PTPRN2: variants seen among roughly 807,000 people sequenced by gnomAD.
PTPRN2 encodes the protein receptor-type tyrosine-protein phosphatase N2.
A neutral mutation model predicts 118.8 loss-of-function variants in PTPRN2; 74 were observed. The observed-to-expected ratio is 0.62, with a 90% CI of 0.52 to 0.76. The LOEUF is 0.76. Ranked by LOEUF, PTPRN2 falls within the 30% of genes least tolerant of loss-of-function variation. The pLI, the probability that PTPRN2 is intolerant of heterozygous loss-of-function variation, is 0.00. For synonymous variants in PTPRN2, 641 were observed against 608.0 expected (o/e 1.05, Z -0.80); for missense variants, 1,481 against 1,394.4 (o/e 1.06, Z -0.99).
chr7:158,259,214 G>A (rs1252543603), intron 3 of PTPRN2, among the ~76,000 whole-genome samples: 1 of 152,180 alleles, frequency 6.6e-6, no homozygotes, highest in Non-Finnish European at 1.5e-5. Context: ...ACAAATAAAT[G>A]ACAAATGGCA....
intron 21 of PTPRN2, among the ~76,000 whole-genome samples, chr7:157,552,492 G>A (rs1234414078): frequency 6.6e-6 from 1 of 152,118 alleles, no homozygotes; most frequent in Non-Finnish European, 1.5e-5. Flanking sequence ...GACCACGTGG[G>A]GAGGGGATGG....
At chr7:158,308,100 T>A (rs114442992) in intron 3 of PTPRN2, among the ~76,000 whole-genome samples, 2,979 of 152,326 alleles carry the variant, frequency 0.02, 101 homozygotes, top group African/African-American at 0.067. Context: ...GTTTCAGATA[T>A]TCTGTGATAA....
At chr7:158,522,282 A>G (rs112662381) in intron 1 of PTPRN2, among the ~76,000 whole-genome samples, 28 of 53,336 alleles carry the variant, frequency 5.2e-4, no homozygotes, top group South Asian at 7.9e-4. Flanking sequence ...CTGGCTCGGG[A>G]GGGAGGTCCA....
At chr7:158,146,580 G>T (rs932796913) in intron 6 of PTPRN2, among the ~76,000 whole-genome samples, 10 of 151,384 alleles carry the variant, frequency 6.6e-5, no homozygotes, top group Non-Finnish European at 1.5e-5. Context: ...AATTAGCCAG[G>T]CGTGGTGGCG....
Position 157,598,103 on chromosome 7 carries a change from T to C in PTPRN2, c.2419-2788A>G, listed in dbSNP as rs201556764. On this transcript the variant is annotated intron_variant, in intron 16 of 22. Transcript: ENST00000389418. The surrounding 1 kb of genome is among the most constrained non-coding windows in gnomAD (Gnocchi z 5.2). ...GGTTTTCGGGCAGGATAAGTGGCTG[T>C]GGAGGAAATCAAGTGAGTTTCTACT... is the stretch of plus-strand genomic sequence containing the variant. Among the ~76,000 whole-genome samples, 1 of 152,212 alleles carries C rather than the reference T, an allele frequency of 6.6e-6. No homozygotes were observed. The highest frequency in any genetic ancestry group is 2.1e-4 in the South Asian group (1 of 4,828).
Position 157,987,196 on chromosome 7 carries a change from G to T in PTPRN2, c.1724-88459C>A, listed in dbSNP as rs1803868678. ...AGATTCCATTTCTTCCTGGGATTAG[G>T]AAGCACGAAGTGTCCAGATCTGCTT... On this transcript the variant is annotated intron_variant, in intron 11 of 22. Transcript: ENST00000389418. This position sits in a 1 kb window ranked among gnomAD's most constrained non-coding sequence, Gnocchi z 4.3. 6.6e-6 allele frequency among the ~76,000 whole-genome samples: 1 copy of T among 152,176 alleles called. No homozygotes were observed. Among genetic ancestry groups the T allele is most frequent in the Admixed American group, 6.5e-5 (1 of 15,280 alleles).
intron 9 of PTPRN2, among the ~76,000 whole-genome samples, chr7:158,119,138 A>G (rs535761528): frequency 6.6e-6 from 1 of 152,334 alleles, no homozygotes; most frequent in Admixed American, 6.5e-5. Flanking sequence ...CTCATAATGT[A>G]CCTAGCGTGT....
intron 13 of PTPRN2, among the ~76,000 whole-genome samples, chr7:157,672,165 C>A (rs12698098): frequency 0.2 from 30,915 of 151,836 alleles, 3,598 homozygotes; most frequent in Non-Finnish European, 0.25. Flanking sequence ...GTCTGAAAAC[C>A]CCCCCTGGAG....
At chr7:157,662,574 G>T (rs1795944561) in intron 13 of PTPRN2, among the ~76,000 whole-genome samples, 3 of 152,216 alleles carry the variant, frequency 2.0e-5, no homozygotes, top group Admixed American at 2.0e-4. Flanking sequence ...AAAGCTTTAG[G>T]CAGGAGAGGC....
At chr7:157,767,933 A>C (rs1330043180) in intron 12 of PTPRN2, among the ~76,000 whole-genome samples, 1 of 152,242 alleles carries the variant, frequency 6.6e-6, no homozygotes, top group Non-Finnish European at 1.5e-5. Flanking sequence ...CTTGAGGGAC[A>C]TTAAGGACAT....
At chr7:157,604,128 G>T (rs1187595723) in intron 15 of PTPRN2, 53 bp from the exon 16 acceptor site, 3 of 1,566,900 alleles carry the variant, frequency 1.9e-6, no homozygotes, top group African/African-American at 2.7e-5. Context: ...CCAGCAGTGT[G>T]AGACCCCCAC....
Position 158,134,013 on chromosome 7 carries a change from C to G in PTPRN2, c.1220G>C (p.Gly407Ala). Residue 407 changes from glycine (G) to alanine (A), a missense_variant, in exon 9 of 23, where the codon GGG becomes GCG. Gly to Ala is a moderately conservative substitution (Grantham distance 60, BLOSUM62 0). Around this residue, in one of 3 missense-constraint regions of PTPRN2, gnomAD observed 1,115 missense variants for 994.2 expected, o/e 1.12. Coordinates refer to ENST00000389418, the MANE Select transcript of PTPRN2 (RefSeq NM_002847.5). ...ATLGGLLQDH[G>A]SRLLPGALPF... The stretch of plus-strand genomic sequence containing the variant: ...GAGGGCTCCAGGTAAGAGTCGAGAC[C>G]CGTGGTCCTGCAGGAGGCCCCCGAG... The G allele has an allele frequency of 1.9e-6, 3 of 1,613,956 alleles. No individual in the cohort carries two copies. The highest frequency in any genetic ancestry group is 8.5e-7 in the Non-Finnish European group (1 of 1,180,024).
chr7:157,798,045 G>A (rs1462584554), intron 12 of PTPRN2, among the ~76,000 whole-genome samples: 1 of 152,144 alleles, frequency 6.6e-6, no homozygotes, highest in Non-Finnish European at 1.5e-5. Flanking sequence ...GATCACCTGA[G>A]GTCAGGAGTT....
rs545991998 is a variant in PTPRN2 at position 157,903,554 on chromosome 7, G to A, written c.1724-4817C>T. Among the ~76,000 whole-genome samples the A allele has an allele frequency of 1.3e-5, 2 of 151,966 alleles. No homozygotes were observed. Among genetic ancestry groups the A allele is most frequent in the Admixed American group, 6.5e-5 (1 of 15,274 alleles). ...CACATGCCCCACGGTGCTGCCTCTCGAAACTGACTGGACCTTTTAAAATGT... is the reference window on the plus strand; with the variant it reads ...CACATGCCCCACGGTGCTGCCTCTCAAAACTGACTGGACCTTTTAAAATGT... On this transcript the variant is annotated intron_variant, in intron 11 of 22. Coordinates refer to ENST00000389418, the MANE Select transcript of PTPRN2 (RefSeq NM_002847.5). The surrounding 1 kb of genome is among the most constrained non-coding windows in gnomAD (Gnocchi z 4.2).
At chr7:158,338,551 G>T (rs1180299208) in intron 2 of PTPRN2, among the ~76,000 whole-genome samples, 9 of 112,274 alleles carry the variant, frequency 8.0e-5, no homozygotes, top group East Asian at 5.2e-4. Context: ...CTCACCATAA[G>T]AGGTGACACC....
intron 3 of PTPRN2, among the ~76,000 whole-genome samples, chr7:158,242,760 G>A (rs1202811646): frequency 6.6e-6 from 1 of 152,178 alleles, no homozygotes; most frequent in Non-Finnish European, 1.5e-5. Context: ...TTGGTAGGTT[G>A]TATGTGTCTA....
intron 3 of PTPRN2, among the ~76,000 whole-genome samples, chr7:158,247,494 G>T (rs1028680152): frequency 6.6e-6 from 1 of 152,196 alleles, no homozygotes; most frequent in Non-Finnish European, 1.5e-5. Context: ...CCATGTCCAC[G>T]GCTCGTGGGC....
At chr7:158,267,576 G>T (rs574342314) in intron 3 of PTPRN2, among the ~76,000 whole-genome samples, 84 of 152,274 alleles carry the variant, frequency 5.5e-4, no homozygotes, top group African/African-American at 1.9e-3. Context: ...TTACACGGGG[G>T]TGACTGAGCA....
chr7:158,478,509 G>A (rs148118911), intron 2 of PTPRN2, among the ~76,000 whole-genome samples: 50 of 152,298 alleles, frequency 3.3e-4, no homozygotes, highest in Admixed American at 1.3e-3. Context: ...ATGCGGAGCC[G>A]TGACAAGGGC....
Sources: gnomAD v4.1 joint callset for allele counts (sites outside exome capture counted in the v4.1 genomes callset) on GRCh38, gnomAD v4.1.1 for gene constraint, gnomAD v4.1.1 regional missense constraint, Gnocchi (gnomAD v3.1) non-coding constraint, MANE v1.5 for transcripts, NCBI Gene and HGNC (gene_info 2026-07-23, HGNC 2026-07-21) for gene names.